The following SHISAL1 variants were observed in gnomAD, a reference collection of about 807,000 sequenced individuals.
SHISAL1 encodes shisa like 1, also known as protein shisa-like-1.
SHISAL1 carries 9 observed loss-of-function variants against 22.6 expected under a neutral mutation model. The observed-to-expected ratio is 0.40, with a 90% CI of 0.24 to 0.70. SHISAL1 has a LOEUF of 0.70. Among genes scored for constraint, SHISAL1 ranks in the 30% least tolerant of loss-of-function variants. The pLI is 0.39. For synonymous variants in SHISAL1, 119 were observed against 115.4 expected (o/e 1.03, Z -0.20); for missense variants, 246 against 270.6 (o/e 0.91, Z 0.64).
At chr22:44,260,612 C>T (rs1315465186) in intron 4 of SHISAL1, among the ~76,000 whole-genome samples, 1 of 152,242 alleles carries the variant, frequency 6.6e-6, no homozygotes, top group Non-Finnish European at 1.5e-5. Context: ...CTTTACAAGC[C>T]ATTCCCTTTT....
the SHISAL1 span, among the ~76,000 whole-genome samples, chr22:44,322,720 G>A: frequency 2.0e-5 from 3 of 152,090 alleles, no homozygotes; most frequent in East Asian, 1.9e-4. Context: ...GGGAACCAAG[G>A]AGCCTGGGCC....
At chr22:44,265,366 C>T (rs1391075351) in intron 4 of SHISAL1, among the ~76,000 whole-genome samples, 1 of 152,174 alleles carries the variant, frequency 6.6e-6, no homozygotes, top group African/African-American at 2.4e-5. Context: ...GCTGTCATGC[C>T]ATGAGCTACC....
intron 3 of SHISAL1, among the ~76,000 whole-genome samples, chr22:44,288,037 C>T (rs905685416): frequency 5.3e-5 from 8 of 152,170 alleles, no homozygotes; most frequent in Non-Finnish European, 1.0e-4. Flanking sequence ...GGCTGGGCCT[C>T]GAACCACTGG....
At chr22:44,272,099 T>C (rs1431854182) in intron 4 of SHISAL1, among the ~76,000 whole-genome samples, 1 of 152,194 alleles carries the variant, frequency 6.6e-6, no homozygotes, top group Non-Finnish European at 1.5e-5. Context: ...AGGGGGCTTC[T>C]ATAAGATGCC....
At chr22:44,275,660 C>T (rs1240057101) in intron 4 of SHISAL1, among the ~76,000 whole-genome samples, 1 of 152,218 alleles carries the variant, frequency 6.6e-6, no homozygotes, top group East Asian at 1.9e-4. Context: ...AGGATGTGGG[C>T]TTTGGAGTCC....
chr22:44,245,634 T>TGGAATCCTGAGCCAACCTGGACA lies in SHISAL1; in HGVS notation c.*4028_*4050dup, dbSNP rs2054993435. 6.5e-6 allele frequency: 1 copy of TGGAATCCTGAGCCAACCTGGACA among 152,694 alleles called. No homozygotes were observed. The highest frequency in any genetic ancestry group is 1.5e-5 in the Non-Finnish European group (1 of 68,434). The allele number at this position is 152,694 out of a possible 1,614,324, so 9.5% of individuals were successfully genotyped here. ...GAGGGGCCTGCCTGGGGATGGCAGC[T>TGGAATCCTGAGCCAACCTGGACA]GGAATCCTGAGCCAACCTGGACAGC... On this transcript the variant is annotated 3_prime_UTR_variant, in exon 5 of 5. Transcript: ENST00000381176.
intron 2 of SHISAL1, among the ~76,000 whole-genome samples, chr22:44,300,571 T>C (rs895791459): frequency 6.6e-6 from 1 of 152,158 alleles, no homozygotes; most frequent in Non-Finnish European, 1.5e-5. Context: ...CCTAACCTTG[T>C]CTCGCAGGGG....
In SHISAL1 at chr22:44,303,086, T is replaced by C. The variant is rs146323694; in HGVS notation, c.-32-2109A>G. 3.0e-3 allele frequency among the ~76,000 whole-genome samples: 454 copies of C among 151,790 alleles called. 3 individuals are homozygous for C. Among genetic ancestry groups the C allele is most frequent in the African/African-American group, 0.011 (447 of 41,108 alleles). ...TAGGACAGGCCATCTAAGTGCTCTGTGTAACAGCGTCGTCCTCCCAGAGCC... is the reference window on the plus strand; with the variant it reads ...TAGGACAGGCCATCTAAGTGCTCTGCGTAACAGCGTCGTCCTCCCAGAGCC... On this transcript the variant is annotated intron_variant, in intron 1 of 4. Coordinates refer to ENST00000381176, the MANE Select transcript of SHISAL1 (RefSeq NM_001099294.2).
chr22:44,265,977 C>T (rs1166232417), intron 4 of SHISAL1, among the ~76,000 whole-genome samples: 2 of 152,312 alleles, frequency 1.3e-5, no homozygotes, highest in East Asian at 3.9e-4. Flanking sequence ...GAGCTGGTGT[C>T]TGGATCAGGC....
At position 44,249,533 on chromosome 22, in the gene SHISAL1, A is replaced by C; in HGVS notation, c.*152T>G. On this transcript the variant is annotated 3_prime_UTR_variant, in exon 5 of 5. Coordinates refer to ENST00000381176, the MANE Select transcript of SHISAL1 (RefSeq NM_001099294.2). ...TGCTCCTAATCTTAGAAGTCCGCGGAAGGGGGCTTTGGGCACAGGCAGCAT... is the reference window on the plus strand; with the variant it reads ...TGCTCCTAATCTTAGAAGTCCGCGGCAGGGGGCTTTGGGCACAGGCAGCAT... 7.3e-6 allele frequency: 4 copies of C among 550,910 alleles called. No individual in the cohort carries two copies. Among genetic ancestry groups the C allele is most frequent in the East Asian group, 3.2e-5 (1 of 31,336 alleles). The allele number at this position is 550,910 out of a possible 1,614,324, so 34.1% of individuals were successfully genotyped here.
rs1187550499 is a variant in SHISAL1, at chr22:44,244,379, C to T, written c.*5306G>A. Reference sequence around the variant, plus strand: ...AACAGTATCCCTGGGAGCCCATTACCATTTATGGGACAGTGTCGTGAATGG... The same window carrying T: ...AACAGTATCCCTGGGAGCCCATTACTATTTATGGGACAGTGTCGTGAATGG... On this transcript the variant is annotated 3_prime_UTR_variant, in exon 5 of 5. Transcript: ENST00000381176. 6.6e-6 allele frequency: 1 copy of T among 152,166 alleles called. No homozygotes were observed. Among genetic ancestry groups the T allele is most frequent in the Non-Finnish European group, 1.5e-5 (1 of 68,048 alleles). The allele number at this position is 152,166 out of a possible 1,614,324, so 9.4% of individuals were successfully genotyped here. A position where few individuals can be genotyped will look rare whatever the true frequency, so the allele number is the denominator to read the frequency against.
intron 4 of SHISAL1, among the ~76,000 whole-genome samples, chr22:44,271,536 G>C (rs2055205587): frequency 6.6e-6 from 1 of 152,222 alleles, no homozygotes; most frequent in African/African-American, 2.4e-5. Context: ...CATGTTGGGA[G>C]ACATTTGCCA....
rs1044012545 is a variant in SHISAL1 at position 44,247,840 on chromosome 22, TCTC to T, written c.*1842_*1844del. 3.4e-5 allele frequency: 5 copies of T among 148,882 alleles called. No homozygotes were observed. The highest frequency in any genetic ancestry group is 4.4e-5 in the Non-Finnish European group (3 of 67,482). 9.2% of individuals were successfully genotyped at this position (148,882 alleles called of 1,614,324 possible). Reference sequence around the variant, plus strand: ...CCAGAGCTGGGCACTATCACCCTCATCTCCTTCTGCCTTCCCTCTGGGTCCCCA... The same window carrying T: ...CCAGAGCTGGGCACTATCACCCTCATCTTCTGCCTTCCCTCTGGGTCCCCA... On this transcript the variant is annotated 3_prime_UTR_variant, in exon 5 of 5. Coordinates refer to ENST00000381176, the MANE Select transcript of SHISAL1 (RefSeq NM_001099294.2).
intron 1 of SHISAL1, among the ~76,000 whole-genome samples, chr22:44,308,055 A>G (rs1034381607): frequency 6.6e-6 from 1 of 152,192 alleles, no homozygotes; most frequent in African/African-American, 2.4e-5. Flanking sequence ...CTAGGGCAGC[A>G]GGGCTTGGGG....
intron 2 of SHISAL1, among the ~76,000 whole-genome samples, chr22:44,300,094 GAC>G (rs1309042990): frequency 3.3e-5 from 5 of 151,366 alleles, no homozygotes; most frequent in Admixed American, 6.6e-5. Context: ...GACAGAGACA[GAC>G]ACAGAGAGAC....
rs1006703196 is a variant in SHISAL1, at chr22:44,244,017, C to G, written c.*5668G>C. On this transcript the variant is annotated 3_prime_UTR_variant, in exon 5 of 5. Transcript: ENST00000381176. Reference sequence around the variant, plus strand: ...GTGACTGAGCCCCTCACCCTTGCAGCCCCCACCTCGTTACTGCACATTGTC... The same window carrying G: ...GTGACTGAGCCCCTCACCCTTGCAGGCCCCACCTCGTTACTGCACATTGTC... The G allele has an allele frequency of 7.2e-5, 11 of 152,344 alleles. 1 individual carries two copies. The highest frequency in any genetic ancestry group is 4.6e-4 in the Admixed American group (7 of 15,306). 9.4% of individuals were successfully genotyped at this position (152,344 alleles called of 1,614,324 possible). A position where few individuals can be genotyped will look rare whatever the true frequency, so the allele number is the denominator to read the frequency against.
At chr22:44,284,986 G>A (rs1367325573) in intron 4 of SHISAL1, among the ~76,000 whole-genome samples, 1 of 151,262 alleles carries the variant, frequency 6.6e-6, no homozygotes, top group Non-Finnish European at 1.5e-5. Context: ...TGCCATACAA[G>A]GCATGTACAC....
At chr22:44,286,085 C>A (rs2055313452) in intron 3 of SHISAL1, among the ~76,000 whole-genome samples, 1 of 152,202 alleles carries the variant, frequency 6.6e-6, no homozygotes, top group Non-Finnish European at 1.5e-5. Flanking sequence ...GCAGCCTCTT[C>A]CTTTACCTGG....
At chr22:44,326,329 A>G in the SHISAL1 span, among the ~76,000 whole-genome samples, 1 of 152,192 alleles carries the variant, frequency 6.6e-6, no homozygotes, top group African/African-American at 2.4e-5. Context: ...GAGCTTCGGA[A>G]TCTGGCACGG....
Sources: gnomAD v4.1 joint callset for allele counts (sites outside exome capture counted in the v4.1 genomes callset) on GRCh38, gnomAD v4.1.1 for gene constraint, MANE v1.5 for transcripts, NCBI Gene and HGNC (gene_info 2026-07-23, HGNC 2026-07-21) for gene names.